AREG: variants seen among roughly 807,000 people sequenced by gnomAD.
AREG encodes the protein amphiregulin, also known as amphiregulin B.
In AREG, 16 loss-of-function variants were observed where a neutral mutation model predicts 28.0. That is an observed-to-expected ratio of 0.57 (90% CI 0.39 to 0.87). The LOEUF is 0.87. AREG is among the 40% of genes least tolerant of loss of function. The pLI, the probability that AREG is intolerant of heterozygous loss-of-function variation, is 0.00. For synonymous variants in AREG, 113 were observed against 113.5 expected (o/e 1.00, Z 0.02); for missense variants, 287 against 309.1 (o/e 0.93, Z 0.53).
In AREG at chr4:74,445,378, G is replaced by C. The variant is rs1719253875; in HGVS notation, c.33G>C (p.Val11=). 6.2e-7 allele frequency: 1 copy of C among 1,610,678 alleles called. No individual in the cohort carries two copies. ...CCCCGCTGCTACCGCCGGCGCCGGT[G>C]GTGCTGTCGCTCTTGATACTCGGCT... The part of the protein sequence containing the change: MRAPLLPPAP[V]VLSLLILGSG... Residue 11 remains valine (V), a synonymous_variant, in exon 1 of 6, where the codon GTG becomes GTC. Coordinates refer to ENST00000395748, the MANE Select transcript of AREG (RefSeq NM_001657.4).
At chr4:74,445,722 T>G (rs1228649414) in intron 1 of AREG, among the ~76,000 whole-genome samples, 2 of 152,166 alleles carry the variant, frequency 1.3e-5, no homozygotes, top group Non-Finnish European at 2.9e-5. Context: ...GGTGAAGTGA[T>G]TTCCGCAGAT....
chr4:74,453,198 A>T (rs1396207860), intron 5 of AREG, among the ~76,000 whole-genome samples: 2 of 152,156 alleles, frequency 1.3e-5, no homozygotes, highest in Non-Finnish European at 2.9e-5. Context: ...GTGTTAGGGG[A>T]GATACAGTTG....
rs536424922 is a variant in AREG, at chr4:74,446,418, G to A, written c.62-116G>A. 1,605 of 1,573,898 alleles carry A rather than the reference G, an allele frequency of 1.0e-3. 18 individuals carry two copies. In the African/African-American group the frequency reaches 0.019, roughly 19 times the overall value. On this transcript the variant is annotated intron_variant, in intron 1 of 5. Transcript: ENST00000395748. ...AGAAATGACTCAATCACAAACAATAGCACATGTGCAATAACTGCTTTGATG... is the reference window on the plus strand; with the variant it reads ...AGAAATGACTCAATCACAAACAATAACACATGTGCAATAACTGCTTTGATG...
intron 4 of AREG, among the ~76,000 whole-genome samples, chr4:74,451,320 TG>T (rs1278946641): frequency 6.6e-6 from 1 of 152,050 alleles, no homozygotes; most frequent in Non-Finnish European, 1.5e-5. Context: ...TAAGGGAAGT[TG>T]GGGGAGGACA....
intron 4 of AREG, among the ~76,000 whole-genome samples, chr4:74,451,992 G>A (rs1719388574): frequency 6.6e-6 from 1 of 152,062 alleles, no homozygotes; most frequent in Non-Finnish European, 1.5e-5. Context: ...TAATGATAAT[G>A]TTTTGTGGTG....
In AREG at chr4:74,454,791, C is replaced by G; in HGVS notation, c.*51C>G. On this transcript the variant is annotated 3_prime_UTR_variant, in exon 6 of 6. Coordinates refer to ENST00000395748, the MANE Select transcript of AREG (RefSeq NM_001657.4). ...CATTGGAGTCACTGCCAAGTCATAG[C>G]CATAAATGATGAGTCGGTCCTCTTT... 1.4e-6 allele frequency: 1 copy of G among 699,302 alleles called. No homozygotes were observed. Among genetic ancestry groups the G allele is most frequent in the Non-Finnish European group, 2.6e-6 (1 of 383,132 alleles). The allele number at this position is 699,302 out of a possible 1,614,324, so 43.3% of individuals were successfully genotyped here. A position where few individuals can be genotyped will look rare whatever the true frequency, so the allele number is the denominator to read the frequency against.
intron 2 of AREG, among the ~76,000 whole-genome samples, chr4:74,448,440 T>C (rs897976070): frequency 6.6e-6 from 1 of 152,238 alleles, no homozygotes; most frequent in African/African-American, 2.4e-5. Context: ...TGCATGACCA[T>C]TATGACTAAT....
chr4:74,452,438 G>A, intron 4 of AREG, 106 bp from the exon 5 acceptor site: 1 of 1,276,922 alleles, frequency 7.8e-7, no homozygotes, highest in Non-Finnish European at 1.1e-6. Flanking sequence ...GTGATTGCTG[G>A]TCTATCACTA....
chr4:74,446,344 T>C lies in AREG; in HGVS notation c.62-190T>C, dbSNP rs1027419975. 1.1e-4 allele frequency among the ~76,000 whole-genome samples: 16 copies of C among 152,364 alleles called. No individual in the cohort carries two copies. In the East Asian group the frequency reaches 1.3e-3, roughly 13 times the overall value. On this transcript the variant is annotated intron_variant, in intron 1 of 5. Coordinates refer to ENST00000395748, the MANE Select transcript of AREG (RefSeq NM_001657.4). ...AAACTTCAGAAAAGCACTTCTGTAA[T>C]TGGGACAGCTGAATTTGCTTGCTGG...
At chr4:74,448,800 C>T in intron 2 of AREG, 3 of 448,156 alleles carry the variant, frequency 6.7e-6, no homozygotes, top group Non-Finnish European at 1.2e-5. Flanking sequence ...TCAGTTTTTT[C>T]CACCTGCAAG....
Position 74,454,680 on chromosome 4 carries a change from T to C in AREG, c.*19-79T>C, listed in dbSNP as rs894135633. ...ATTCCTGATTATGCTTTAAAGTTTC[T>C]TAAAGCTCTGCTGGAATTGAGCTTA... On this transcript the variant is annotated intron_variant, in intron 5 of 5. Coordinates refer to ENST00000395748, the MANE Select transcript of AREG (RefSeq NM_001657.4). 6.7e-6 allele frequency: 4 copies of C among 597,132 alleles called. No individual in the cohort carries two copies. The African/African-American group carries it at 7.6e-5, about 11-fold the overall frequency. The allele number at this position is 597,132 out of a possible 1,614,324, so 37.0% of individuals were successfully genotyped here.
At chr4:74,453,261 C>T (rs1251708851) in intron 5 of AREG, among the ~76,000 whole-genome samples, 5 of 152,110 alleles carry the variant, frequency 3.3e-5, no homozygotes, top group African/African-American at 9.7e-5. Flanking sequence ...GGTGCTTGCA[C>T]TGATAATGTG....
chr4:74,449,325 A>G (rs1448924309), intron 3 of AREG, 77 bp downstream of exon 3: 18 of 1,601,086 alleles, frequency 1.1e-5, no homozygotes, highest in Non-Finnish European at 1.4e-5. Context: ...GAAACCATTT[A>G]TTTTTCCAAT....
At chr4:74,452,684 C>T in intron 5 of AREG, 29 bp downstream of exon 5, 2 of 1,584,430 alleles carry the variant, frequency 1.3e-6, no homozygotes, top group South Asian at 1.2e-5. Flanking sequence ...ATCTTTAGAT[C>T]ATATCCTATA....
chr4:74,448,910 T>G, intron 2 of AREG, 137 bp from the exon 3 acceptor site: 1 of 1,250,524 alleles, frequency 8.0e-7, no homozygotes, highest in East Asian at 2.4e-5. Context: ...CTCTCTAACT[T>G]TTATATTGTG....
rs942057115 is a variant in AREG at position 74,448,763 on chromosome 4, A to T, written c.311-284A>T. On this transcript the variant is annotated intron_variant, in intron 2 of 5. Coordinates refer to ENST00000395748, the MANE Select transcript of AREG (RefSeq NM_001657.4). ...GTAATCTGGGTGTTGGAGCATTGTA[A>T]CATAGAGTAACTCTAATTTATAATT... 4.7e-5 allele frequency: 17 copies of T among 359,958 alleles called. No individual in the cohort carries two copies. The South Asian group carries it at 8.5e-4, about 18-fold the overall frequency. The allele number at this position is 359,958 out of a possible 1,614,324, so 22.3% of individuals were successfully genotyped here.
chr4:74,445,148 A>T lies in AREG; in HGVS notation c.-198A>T. The T allele has an allele frequency of 8.0e-7, 1 of 1,246,274 alleles. No homozygotes were observed. The highest frequency in any genetic ancestry group is 1.1e-6 in the Non-Finnish European group (1 of 924,024). The allele number at this position is 1,246,274 out of a possible 1,614,324, so 77.2% of individuals were successfully genotyped here. ...CGCGCCGCCCTACAGACGTTCGCAC[A>T]CCTGGGTGCCAGCGCCCCAGAGGTC... On this transcript the variant is annotated 5_prime_UTR_variant, in exon 1 of 6. Coordinates refer to ENST00000395748, the MANE Select transcript of AREG (RefSeq NM_001657.4).
intron 4 of AREG, among the ~76,000 whole-genome samples, chr4:74,450,776 T>G (rs1719368026): frequency 6.6e-6 from 1 of 152,184 alleles, no homozygotes; most frequent in South Asian, 2.1e-4. Flanking sequence ...TTTTTGAACT[T>G]AAGTAATTGA....
Position 74,454,937 on chromosome 4 carries a change from G to T in AREG, c.*197G>T. On this transcript the variant is annotated 3_prime_UTR_variant, in exon 6 of 6. Coordinates refer to ENST00000395748, the MANE Select transcript of AREG (RefSeq NM_001657.4). The stretch of plus-strand genomic sequence containing the variant: ...AAGGTAAAAAGTATTTTTTCAAGTT[G>T]TAAATAATTTATTTAATATTTAATG... The T allele has an allele frequency of 3.1e-6, 2 of 645,464 alleles. No individual in the cohort carries two copies. The highest frequency in any genetic ancestry group is 2.8e-6 in the Non-Finnish European group (1 of 361,466). The allele number at this position is 645,464 out of a possible 1,614,324, so 40.0% of individuals were successfully genotyped here.
Sources: allele counts gnomAD v4.1 joint callset (sites outside exome capture counted in the v4.1 genomes callset), GRCh38; gene constraint gnomAD v4.1.1; transcripts MANE v1.5; gene names NCBI Gene and HGNC (gene_info 2026-07-23, HGNC 2026-07-21).